Variants in FAM13A observed in about 807,000 individuals in gnomAD.
FAM13A encodes the protein protein FAM13A.
Under a neutral mutation model 129.6 loss-of-function variants are expected in FAM13A, and 76 were observed. The ratio of observed to expected loss-of-function variants is 0.59; its 90% CI spans 0.49 to 0.71. The LOEUF is 0.71. Ranked by LOEUF, FAM13A falls within the 30% of genes least tolerant of loss-of-function variation. FAM13A has a pLI of 0.00. For missense variants in FAM13A, 1,108 were observed against 1,249.3 expected (o/e 0.89, Z 1.70); for synonymous variants, 443 against 449.9 (o/e 0.98, Z 0.20).
At chr4:88,798,937 T>A (rs535405210) in intron 8 of FAM13A, among the ~76,000 whole-genome samples, 4 of 152,292 alleles carry the variant, frequency 2.6e-5, no homozygotes, top group African/African-American at 7.2e-5. Context: ...TTCTTCTTTA[T>A]CATGCTGAGG....
intron 4 of FAM13A, among the ~76,000 whole-genome samples, chr4:88,941,215 T>C (rs1345533903): frequency 1.3e-5 from 2 of 152,228 alleles, no homozygotes; most frequent in Non-Finnish European, 2.9e-5. Context: ...TCTGACTTTC[T>C]AAAATCAGGA....
chr4:88,838,435 G>A (rs1168981811), intron 7 of FAM13A, among the ~76,000 whole-genome samples: 4 of 152,204 alleles, frequency 2.6e-5, no homozygotes, highest in East Asian at 1.9e-4. Context: ...ATTAATGAGT[G>A]TAAAAGAAAA....
intron 7 of FAM13A, among the ~76,000 whole-genome samples, chr4:88,825,231 G>C (rs538883494): frequency 7.4e-5 from 11 of 148,520 alleles, no homozygotes; most frequent in African/African-American, 2.2e-4. Flanking sequence ...TTTTTTTGGG[G>C]GGGGGATGGA....
chr4:88,978,172 G>C (rs1021341483), intron 4 of FAM13A, among the ~76,000 whole-genome samples: 2 of 152,204 alleles, frequency 1.3e-5, no homozygotes, highest in South Asian at 4.2e-4. Flanking sequence ...TAAAAAGTAA[G>C]GATTACTTTC....
Position 88,884,036 on chromosome 4 carries a change from A to T in FAM13A, c.843+22343T>A, listed in dbSNP as rs535670074. Among the ~76,000 whole-genome samples the T allele has an allele frequency of 3.0e-4, 45 of 152,222 alleles. No individual in the cohort carries two copies. The South Asian group carries it at 3.1e-3, about 11-fold the overall frequency. On this transcript the variant is annotated intron_variant, in intron 6 of 23. Transcript: ENST00000264344. ...TGCTAATTAAAAATTGCCAAAAAAA[A>T]AGTCCAGGAAAAGATGGATTTACAG...
intron 11 of FAM13A, among the ~76,000 whole-genome samples, chr4:88,772,712 A>G (rs2149572394): frequency 6.6e-6 from 1 of 152,344 alleles, no homozygotes; most frequent in East Asian, 1.9e-4. Flanking sequence ...CAGAACACTT[A>G]CATTAGCTTA....
chr4:88,971,135 A>G lies in FAM13A; in HGVS notation c.605+19838T>C, dbSNP rs547098793. Among the ~76,000 whole-genome samples, 10 of 152,218 alleles carry G rather than the reference A, an allele frequency of 6.6e-5. 1 individual carries two copies. The highest frequency in any genetic ancestry group is 6.8e-3 in the Middle Eastern group (2 of 294). On this transcript the variant is annotated intron_variant, in intron 4 of 23. Coordinates refer to ENST00000264344, the MANE Select transcript of FAM13A (RefSeq NM_014883.4). ...GAATGGCATGAGGCAGGAGAATGGC[A>G]TGAACCCGGGAGGCGGAGCTTGCAG...
intron 7 of FAM13A, among the ~76,000 whole-genome samples, chr4:88,819,778 A>G (rs1028879798): frequency 6.6e-6 from 1 of 152,122 alleles, no homozygotes; most frequent in African/African-American, 2.4e-5. Context: ...CACTATGTTG[A>G]GTTTCATTAT....
At chr4:89,016,380 A>G (rs1766492168) in intron 3 of FAM13A, among the ~76,000 whole-genome samples, 2 of 152,220 alleles carry the variant, frequency 1.3e-5, no homozygotes, top group Non-Finnish European at 2.9e-5. Flanking sequence ...AAAAAGTTAC[A>G]GTAAGCTAAG....
chr4:88,945,990 GTATA>G (rs199936059), intron 4 of FAM13A, among the ~76,000 whole-genome samples: 86 of 61,956 alleles, frequency 1.4e-3, no homozygotes, highest in Middle Eastern at 0.01. Context: ...GTGTGTGTGT[GTATA>G]TATATATATA....
At chr4:88,822,949 GAATAA>G in intron 7 of FAM13A, 1 of 1,610,338 alleles carries the variant, frequency 6.2e-7, no homozygotes, top group Non-Finnish European at 8.5e-7. Context: ...ATACATAGCA[GAATAA>G]AATAAAATAG....
rs1476064017 is a variant in FAM13A at position 88,739,974 on chromosome 4, A to AG, written c.2467-850dup. On this transcript the variant is annotated intron_variant, in intron 19 of 23. Coordinates refer to ENST00000264344, the MANE Select transcript of FAM13A (RefSeq NM_014883.4). ...TGGCACAGGGCTAAAAAATGTTTAAAGGACTGATTCTCCAGGCAGTGGGGA... is the reference window on the plus strand; with the variant it reads ...TGGCACAGGGCTAAAAAATGTTTAAAGGGACTGATTCTCCAGGCAGTGGGGA... Among the ~76,000 whole-genome samples the AG allele has an allele frequency of 4.6e-5, 7 of 152,264 alleles. No homozygotes were observed. The East Asian group carries it at 1.3e-3, about 29-fold the overall frequency.
chr4:88,847,473 A>T (rs1389385071), intron 7 of FAM13A, among the ~76,000 whole-genome samples: 2 of 152,246 alleles, frequency 1.3e-5, no homozygotes, highest in African/African-American at 4.8e-5. Flanking sequence ...ATATATGCCA[A>T]CCAGAAGAAC....
chr4:88,862,641 T>C (rs1192932553), intron 6 of FAM13A, among the ~76,000 whole-genome samples: 1 of 152,186 alleles, frequency 6.6e-6, no homozygotes, highest in Non-Finnish European at 1.5e-5. Flanking sequence ...CATACATACC[T>C]TTCATCTTCT....
intron 4 of FAM13A, among the ~76,000 whole-genome samples, chr4:88,974,949 A>C (rs1394248769): frequency 6.6e-6 from 1 of 152,196 alleles, no homozygotes; most frequent in African/African-American, 2.4e-5. Flanking sequence ...TAATTACATA[A>C]GGAGCCTTCT....
At chr4:88,819,823 T>TA (rs1377343082) in intron 7 of FAM13A, among the ~76,000 whole-genome samples, 2 of 152,212 alleles carry the variant, frequency 1.3e-5, no homozygotes, top group East Asian at 3.8e-4. Context: ...TTTAGTATTT[T>TA]AAAAAATAAC....
intron 3 of FAM13A, among the ~76,000 whole-genome samples, chr4:89,015,026 G>C (rs1766276317): frequency 6.6e-6 from 1 of 152,094 alleles, no homozygotes; most frequent in Admixed American, 6.6e-5. Context: ...CGTTCCTAGG[G>C]GGTGGTCTCT....
chr4:89,052,763 C>T (rs1771774859), intron 1 of FAM13A, among the ~76,000 whole-genome samples: 2 of 152,066 alleles, frequency 1.3e-5, no homozygotes, highest in South Asian at 2.1e-4. Flanking sequence ...TTAATAGTAT[C>T]GATAGGCTGA....
In FAM13A at chr4:88,779,761, T is replaced by C. The variant is rs563179632; in HGVS notation, c.1458+1404A>G. 2.0e-5 allele frequency among the ~76,000 whole-genome samples: 3 copies of C among 152,300 alleles called. No homozygotes were observed. The South Asian group carries it at 6.2e-4, about 32-fold the overall frequency. ...GTAAACACATATTCTAAGGAGTAAA[T>C]GTACTTTTCCACTTCTATTAACTAT... On this transcript the variant is annotated intron_variant, in intron 11 of 23. Coordinates refer to ENST00000264344, the MANE Select transcript of FAM13A (RefSeq NM_014883.4).
Sources: gnomAD v4.1 joint callset for allele counts (sites outside exome capture counted in the v4.1 genomes callset) on GRCh38, gnomAD v4.1.1 for gene constraint, MANE v1.5 for transcripts, NCBI Gene and HGNC (gene_info 2026-07-23, HGNC 2026-07-21) for gene names.